Variants in WDR83 observed in about 807,000 individuals in gnomAD.
WDR83 encodes the protein WD repeat domain 83.
A neutral mutation model predicts 37.7 loss-of-function variants in WDR83; 37 were observed. The ratio of observed to expected loss-of-function variants is 0.98; its 90% CI spans 0.76 to 1.29. The LOEUF is 1.29. Ranked by LOEUF, WDR83 falls within the 50% of genes most tolerant of loss-of-function variation. The pLI is 0.00. For missense variants in WDR83, 445 were observed against 414.4 expected (o/e 1.07, Z -0.64); for synonymous variants, 174 against 181.1 (o/e 0.96, Z 0.31).
intron 7 of WDR83, 34 bp from the exon 8 acceptor site, chr19:12,672,813 T>C (rs2024460804): frequency 6.4e-7 from 1 of 1,555,902 alleles, no homozygotes; most frequent in Non-Finnish European, 8.7e-7. Flanking sequence ...GTGAGTGTAG[T>C]CAAGGTTCCC....
intron 1 of WDR83, among the ~76,000 whole-genome samples, chr19:12,667,694 G>A (rs748967587): frequency 2.0e-5 from 3 of 152,162 alleles, no homozygotes; most frequent in African/African-American, 7.2e-5. Context: ...ATGGTAGCAC[G>A]CATTTGTGGT....
rs2024265122 is a variant in WDR83, at chr19:12,666,871, G to A, written c.-278G>A. 1.5e-6 allele frequency: 1 copy of A among 655,506 alleles called. No homozygotes were observed. The highest frequency in any genetic ancestry group is 2.6e-6 in the Non-Finnish European group (1 of 390,948). 40.6% of individuals were successfully genotyped at this position (655,506 alleles called of 1,614,324 possible). On this transcript the variant is annotated 5_prime_UTR_variant, in exon 1 of 11. Coordinates refer to ENST00000418543, the MANE Select transcript of WDR83 (RefSeq NM_001099737.3). ...GCAATCCCGGGGGTCGTTACAGGAA[G>A]GTAGGAAAATGCCACCCTCAGGGCA...
Position 12,669,896 on chromosome 19 carries a change from G to A in WDR83, c.103+3G>A. ...AGTGCGAGCCGTACGATTTAATGGT[G>A]AGCGCCTTCGTCTTCATTCCGGGTC... On this transcript the variant is annotated splice_donor_region_variant and intron_variant, in intron 3 of 10. Transcript: ENST00000418543. 1 of 1,604,516 alleles carries A rather than the reference G, an allele frequency of 6.2e-7. No individual in the cohort carries two copies. Among genetic ancestry groups the A allele is most frequent in the Non-Finnish European group, 8.5e-7 (1 of 1,173,006 alleles).
intron 2 of WDR83, chr19:12,669,383 C>T (rs745564455): frequency 1.2e-6 from 2 of 1,601,038 alleles, no homozygotes; most frequent in African/African-American, 2.7e-5. Context: ...TCCGTGGGTC[C>T]GACATATTGT....
intron 3 of WDR83, 34 bp from the exon 4 acceptor site, chr19:12,669,943 G>C: frequency 6.2e-7 from 1 of 1,602,468 alleles, no homozygotes. Flanking sequence ...TCCTGAGATC[G>C]ACGGCCCAGT....
chr19:12,674,477 C>T (rs2024512430), intron 10 of WDR83, among the ~76,000 whole-genome samples: 1 of 152,196 alleles, frequency 6.6e-6, no homozygotes. Context: ...GGCGGACAAG[C>T]TCTTGCTTTA....
At chr19:12,672,645 C>A in intron 7 of WDR83, 1 of 603,332 alleles carries the variant, frequency 1.7e-6, no homozygotes. Flanking sequence ...AGAAGGACTC[C>A]AAGGGCTTGG....
At chr19:12,668,197 T>G (rs1599363699) in intron 1 of WDR83, 1 of 665,462 alleles carries the variant, frequency 1.5e-6, no homozygotes, top group East Asian at 2.8e-5. Context: ...AAGCCTAGGG[T>G]GTTCCCTAGG....
rs372856609 is a variant in WDR83 at position 12,669,999 on chromosome 19, G to A, written c.126G>A (p.Thr42=). 2.4e-5 allele frequency: 38 copies of A among 1,611,836 alleles called. No individual in the cohort carries two copies. The highest frequency in any genetic ancestry group is 4.5e-5 in the East Asian group (2 of 44,806). Residue 42 remains threonine (T), a synonymous_variant, in exon 4 of 11, where the codon ACG becomes ACA. Coordinates refer to ENST00000418543, the MANE Select transcript of WDR83 (RefSeq NM_001099737.3). The part of the protein sequence containing the change: ...RFNVDGNYCL[T]CGSDKTLKLW... Reference sequence around the variant, plus strand: ...CAGTGGATGGCAATTACTGCCTGACGTGCGGCAGTGACAAGACGCTGAAGC... The same window carrying A: ...CAGTGGATGGCAATTACTGCCTGACATGCGGCAGTGACAAGACGCTGAAGC...
intron 3 of WDR83, 32 bp downstream of exon 3, chr19:12,669,925 C>T (rs2024360780): frequency 1.9e-6 from 3 of 1,601,808 alleles, no homozygotes; most frequent in Non-Finnish European, 2.6e-6. Flanking sequence ...CCGGGTCCTC[C>T]TCCCGCCTCC....
At chr19:12,671,713 T>A (rs752471725) in intron 7 of WDR83, among the ~76,000 whole-genome samples, 13 of 152,234 alleles carry the variant, frequency 8.5e-5, no homozygotes, top group Non-Finnish European at 1.9e-4. Flanking sequence ...TTTTTGTTTT[T>A]TTTGAGACGC....
rs764933457 is a variant in WDR83, at chr19:12,675,658, G to A, written c.934G>A (p.Asp312Asn). Residue 312 changes from aspartate (D) to asparagine (N), a missense_variant, in exon 11 of 11, where the codon GAT (aspartate) becomes AAT (asparagine). Coordinates refer to ENST00000418543, the MANE Select transcript of WDR83 (RefSeq NM_001099737.3). ...GCGAGAGGAGGCCTATGAGGCAGAG[G>A]ATGGAGCAGGCTGAAGCCAGGGGAC... Reference protein sequence around the residue: ...CWREEAYEAEDGAG With the variant: ...CWREEAYEAENGAG The A allele has an allele frequency of 2.5e-6, 4 of 1,601,054 alleles. No individual in the cohort carries two copies. Among genetic ancestry groups the A allele is most frequent in the South Asian group, 2.2e-5 (2 of 90,942 alleles).
rs764469932 is a variant in WDR83 at position 12,670,263 on chromosome 19, G to A, written c.308G>A (p.Arg103His). The A allele has an allele frequency of 2.5e-6, 4 of 1,614,058 alleles. No individual in the cohort carries two copies. Among genetic ancestry groups the A allele is most frequent in the Non-Finnish European group, 3.4e-6 (4 of 1,179,958 alleles). The change falls in exon 5 of 11, where the codon CGC becomes CAC. Residue 103 changes from arginine to histidine, a missense_variant. Physicochemically the swap from Arg to His is conservative, Grantham distance 29. Transcript: ENST00000418543. ...GATGTGGCATCAGGGCAGGTCGTGCGCAAATTCCGGGGCCACGCAGGGGTG... is the reference window on the plus strand; with the variant it reads ...GATGTGGCATCAGGGCAGGTCGTGCACAAATTCCGGGGCCACGCAGGGGTG... ...LWDVASGQVV[R>H]KFRGHAGKVN...
rs1414198556 is a variant in WDR83, at chr19:12,670,066, G to T, written c.193G>T (p.Gly65Cys). The T allele has an allele frequency of 6.2e-7, 1 of 1,612,606 alleles. No homozygotes were observed. Among genetic ancestry groups the T allele is most frequent in the African/African-American group, 1.3e-5 (1 of 74,944 alleles). Residue 65 changes from glycine to cysteine, a missense_variant, in exon 4 of 11, where the codon GGC (glycine) becomes TGC (cysteine). By Grantham distance (159) the Gly-to-Cys change is radical. Coordinates refer to ENST00000418543, the MANE Select transcript of WDR83 (RefSeq NM_001099737.3). ...LRGTLLRTYS[G>C]HGYEVLDAAG... is the part of the protein sequence containing the mutation. ...GGGGACGCTGCTGCGGACGTACAGC[G>T]GCCACGGCTACGAGGTGCTGGATGC...
In WDR83 at chr19:12,670,229, G is replaced by T; in HGVS notation, c.274G>T (p.Val92Phe). ...LCSGGGDKAVVLWDVASGQVV... is the reference protein window; with the variant it reads ...LCSGGGDKAVFLWDVASGQVV... Reference sequence around the variant, plus strand: ...CTCCGGCGGCGGGGACAAGGCGGTGGTTCTGTGGGATGTGGCATCAGGGCA... The same window carrying T: ...CTCCGGCGGCGGGGACAAGGCGGTGTTTCTGTGGGATGTGGCATCAGGGCA... Residue 92 changes from valine (V) to phenylalanine (F), a missense_variant, in exon 5 of 11, where the codon GTT becomes TTT. Transcript: ENST00000418543. 6.2e-7 allele frequency: 1 copy of T among 1,614,178 alleles called. No individual in the cohort carries two copies. The highest frequency in any genetic ancestry group is 8.5e-7 in the Non-Finnish European group (1 of 1,180,022).
At chr19:12,670,344 T>G in intron 5 of WDR83, 59 bp downstream of exon 5, 1 of 1,571,794 alleles carries the variant, frequency 6.4e-7, no homozygotes. Context: ...AGCGCATAGG[T>G]GGTGACACGG....
intron 7 of WDR83, 153 bp downstream of exon 7, chr19:12,670,974 T>G: frequency 8.4e-7 from 1 of 1,195,704 alleles, no homozygotes; most frequent in Non-Finnish European, 1.1e-6. Flanking sequence ...ATCACTTGAG[T>G]CCAAGAGTTC....
chr19:12,670,113 G>A lies in WDR83; in HGVS notation c.224+16G>A. ...ATGCGGCCGGGTGAGCCGGGGACCA[G>A]GCTGGGATGGGAGCGCTGAGGCTGG... is the stretch of plus-strand genomic sequence containing the variant. On this transcript the variant is annotated intron_variant, in intron 4 of 10. Transcript: ENST00000418543. 2 of 1,608,336 alleles carry A rather than the reference G, an allele frequency of 1.2e-6. No individual in the cohort carries two copies. Among genetic ancestry groups the A allele is most frequent in the African/African-American group, 1.3e-5 (1 of 75,010 alleles).
intron 1 of WDR83, among the ~76,000 whole-genome samples, chr19:12,667,447 A>G (rs2024285041): frequency 6.6e-6 from 1 of 152,150 alleles, no homozygotes; most frequent in Admixed American, 6.6e-5. Context: ...TGTTTTGTAG[A>G]GACGGGTTTG....
Sources: gnomAD v4.1 joint callset for allele counts (sites outside exome capture counted in the v4.1 genomes callset) on GRCh38, gnomAD v4.1.1 for gene constraint, MANE v1.5 for transcripts, NCBI Gene and HGNC (gene_info 2026-07-23, HGNC 2026-07-21) for gene names.